LIPA: variants seen among roughly 807,000 people sequenced by gnomAD.
LIPA encodes the protein lipase A, lysosomal acid type, also known as lysosomal acid lipase/cholesteryl ester hydrolase.
Under a neutral mutation model 40.6 loss-of-function variants are expected in LIPA, and 26 were observed. That is an observed-to-expected ratio of 0.64 (90% CI 0.47 to 0.89). LIPA has a LOEUF of 0.89. Among genes scored for constraint, LIPA ranks in the 40% least tolerant of loss-of-function variants. LIPA has a pLI of 0.00. For synonymous variants in LIPA, 188 were observed against 168.4 expected (o/e 1.12, Z -0.90); for missense variants, 455 against 479.6 (o/e 0.95, Z 0.48).
intron 1 of LIPA, among the ~76,000 whole-genome samples, chr10:89,256,871 G>C (rs1159501440): frequency 6.6e-6 from 1 of 152,190 alleles, no homozygotes; most frequent in Admixed American, 6.5e-5. Context: ...GGGCCATTGT[G>C]AGCCACAGTG....
intron 3 of LIPA, among the ~76,000 whole-genome samples, chr10:89,243,729 AC>A (rs1842990826): frequency 6.6e-6 from 1 of 152,160 alleles, no homozygotes. Flanking sequence ...ATTCCAGGGC[AC>A]TGCACCTTCC....
chr10:89,328,982 A>G (rs1564787243), intron 1 of LIPA, among the ~76,000 whole-genome samples: 1 of 152,192 alleles, frequency 6.6e-6, no homozygotes, highest in African/African-American at 2.4e-5. Context: ...AAATGGGTGC[A>G]TCTTATTGTA....
Position 89,226,917 on chromosome 10 carries a change from A to G in LIPA, c.516T>C (p.Gly172=), listed in dbSNP as rs1333075004. 1 of 1,599,474 alleles carries G rather than the reference A, an allele frequency of 6.3e-7. No individual in the cohort carries two copies. The highest frequency in any genetic ancestry group is 2.2e-5 in the East Asian group (1 of 44,832). ...TACCTATAGTGGTGCCTTGAGAATG[A>G]CCCACATAATACACTTGTTCTTGGC... ...KTGQEQVYYV[G]HSQGTTIGFI... The change falls in exon 5 of 10, where the codon GGT becomes GGC. Residue 172 remains glycine (G), a synonymous_variant. Transcript: ENST00000336233.
intron 1 of LIPA, among the ~76,000 whole-genome samples, chr10:89,311,858 G>C (rs1843518132): frequency 6.6e-6 from 1 of 152,102 alleles, no homozygotes; most frequent in African/African-American, 2.4e-5. Context: ...TCTGATGAGT[G>C]CATGCATATA....
In LIPA at chr10:89,402,218, A is replaced by G. The variant is rs139151085; in HGVS notation, c.61+10573T>C. On this transcript the variant is annotated intron_variant, in intron 2 of 8. Transcript: ENST00000371837. The stretch of plus-strand genomic sequence containing the variant: ...TAAGCACTAAAATACAAGGTATTTT[A>G]TCTGACTTTTTTCTTTTAGCTGTTC... 4.5e-3 allele frequency: 4,670 copies of G among 1,037,186 alleles called. 19 individuals are homozygous for G. Among genetic ancestry groups the G allele is most frequent in the Non-Finnish European group, 5.0e-3 (3,466 of 695,644 alleles). The allele number at this position is 1,037,186 out of a possible 1,614,324, so 64.2% of individuals were successfully genotyped here. A position where few individuals can be genotyped will look rare whatever the true frequency, so the allele number is the denominator to read the frequency against.
intron 1 of LIPA, among the ~76,000 whole-genome samples, chr10:89,280,506 G>A (rs1405998385): frequency 2.6e-5 from 4 of 152,136 alleles, no homozygotes; most frequent in African/African-American, 4.8e-5. Flanking sequence ...TCAGAGTGAC[G>A]GTCTCTCCTA....
At chr10:89,322,152 G>A (rs547306145) in intron 1 of LIPA, among the ~76,000 whole-genome samples, 1 of 152,252 alleles carries the variant, frequency 6.6e-6, no homozygotes, top group South Asian at 2.1e-4. Flanking sequence ...ACACCAACAT[G>A]GCACAAGTAT....
intron 2 of LIPA, among the ~76,000 whole-genome samples, chr10:89,393,985 G>A (rs899961689): frequency 6.6e-6 from 1 of 152,170 alleles, no homozygotes; most frequent in Admixed American, 6.5e-5. Flanking sequence ...AAAGTGTTAT[G>A]TAAATTATTC....
intron 1 of LIPA, among the ~76,000 whole-genome samples, chr10:89,249,904 A>T (rs2902561): frequency 0.063 from 9,602 of 152,150 alleles, 440 homozygotes; most frequent in African/African-American, 0.13. Flanking sequence ...ATAATACTCC[A>T]ATACAGCTGT....
Position 89,393,154 on chromosome 10 carries a change from TCA to T in LIPA, c.61+19635_61+19636del, listed in dbSNP as rs777003892. On this transcript the variant is annotated intron_variant, in intron 2 of 8. Coordinates refer to the LIPA transcript ENST00000371837. ...CAGGACCCACAAGAATGTGAAAGCC[TCA>T]GTCTTGCAGCCTCTCTGATGTCTTG... 1.1e-5 allele frequency: 14 copies of T among 1,291,358 alleles called. No homozygotes were observed. In the South Asian group the frequency reaches 1.4e-4, roughly 13 times the overall value. 80.0% of individuals were successfully genotyped at this position (1,291,358 alleles called of 1,614,324 possible). A position where few individuals can be genotyped will look rare whatever the true frequency, so the allele number is the denominator to read the frequency against.
intron 2 of LIPA, among the ~76,000 whole-genome samples, chr10:89,368,099 T>C (rs1421501256): frequency 6.6e-6 from 1 of 151,664 alleles, no homozygotes; most frequent in East Asian, 1.9e-4. Flanking sequence ...GGGAAGAAAC[T>C]ATTAAAGTTC....
At chr10:89,266,583 C>A (rs1207047873) in intron 1 of LIPA, among the ~76,000 whole-genome samples, 1 of 152,156 alleles carries the variant, frequency 6.6e-6, no homozygotes, top group Non-Finnish European at 1.5e-5. Context: ...TGCAAATATT[C>A]CAAAATCTGA....
chr10:89,335,761 C>T lies in LIPA; in HGVS notation c.-2+6850G>A, dbSNP rs148136611. ...ATACATTCTATTGATCTGAGACTCACACTTTCTCCTTTTAACCTTCCTAAT... is the reference window on the plus strand; with the variant it reads ...ATACATTCTATTGATCTGAGACTCATACTTTCTCCTTTTAACCTTCCTAAT... On this transcript the variant is annotated intron_variant, in intron 1 of 5. Transcript: ENST00000282673. 5.7e-3 allele frequency among the ~76,000 whole-genome samples: 873 copies of T among 152,292 alleles called. 3 individuals carry two copies. The highest frequency in any genetic ancestry group is 0.027 in the Middle Eastern group (8 of 294).
chr10:89,272,890 T>G (rs1419574587), intron 1 of LIPA, among the ~76,000 whole-genome samples: 2 of 152,278 alleles, frequency 1.3e-5, no homozygotes, highest in African/African-American at 4.8e-5. Context: ...TGCATGTATG[T>G]CTTCTTTTGA....
At chr10:89,389,436 G>C (rs1279892935) in intron 2 of LIPA, among the ~76,000 whole-genome samples, 1 of 152,188 alleles carries the variant, frequency 6.6e-6, no homozygotes, top group East Asian at 1.9e-4. Flanking sequence ...AGGAGACAGA[G>C]AAGCCCAAGG....
chr10:89,347,986 C>T (rs1030560704), intron 2 of LIPA, among the ~76,000 whole-genome samples: 1 of 152,184 alleles, frequency 6.6e-6, no homozygotes, highest in Non-Finnish European at 1.5e-5. Flanking sequence ...GGTTTCCATC[C>T]CAGTCCAAAA....
At chr10:89,219,626 A>G (rs114304713) in intron 8 of LIPA, among the ~76,000 whole-genome samples, 12 of 152,356 alleles carry the variant, frequency 7.9e-5, no homozygotes, top group African/African-American at 2.9e-4. Flanking sequence ...GAGCCCTCTA[A>G]TGCCACACCT....
chr10:89,282,627 C>G (rs184940263), intron 1 of LIPA, among the ~76,000 whole-genome samples: 1 of 151,374 alleles, frequency 6.6e-6, no homozygotes. Context: ...GTAACAAGAG[C>G]GAAACTCCGT....
intron 1 of LIPA, among the ~76,000 whole-genome samples, chr10:89,331,215 C>A (rs1252238451): frequency 6.6e-6 from 1 of 152,188 alleles, no homozygotes; most frequent in Non-Finnish European, 1.5e-5. Flanking sequence ...CTCTGTCACC[C>A]AGGCTGGAGT....
Sources: allele counts gnomAD v4.1 joint callset (sites outside exome capture counted in the v4.1 genomes callset), GRCh38; gene constraint gnomAD v4.1.1; transcripts MANE v1.5; gene names NCBI Gene and HGNC (gene_info 2026-07-23, HGNC 2026-07-21).